Variants in EDN3 observed in about 807,000 individuals in gnomAD.
The protein encoded by EDN3 is endothelin-3.
EDN3 carries 9 observed loss-of-function variants against 21.4 expected under a neutral mutation model. The observed-to-expected ratio is 0.42, with a 90% CI of 0.25 to 0.73. The LOEUF (loss-of-function observed/expected upper bound fraction) is 0.73. Ranked by LOEUF, EDN3 falls within the 30% of genes least tolerant of loss-of-function variation. The probability of loss-of-function intolerance (pLI) is 0.26; values close to 1 mark genes in which losing one functional copy is unlikely to be tolerated. For missense variants in EDN3, 327 were observed against 309.4 expected, an observed-to-expected ratio of 1.06 and a Z score of -0.43; for synonymous variants, 133 against 126.2, an observed-to-expected ratio of 1.05 and a Z score of -0.36.
At chr20:59,300,931 C>T in intron 1 of EDN3, 67 bp downstream of exon 1, 2 of 1,565,804 alleles carry the variant, frequency 1.3e-6, no homozygotes, top group Non-Finnish European at 1.7e-6. Flanking sequence ...GGCGGGGGAC[C>T]CGAGGCGCGG....
intron 2 of EDN3, among the ~76,000 whole-genome samples, chr20:59,302,051 A>G (rs921155494): frequency 5.3e-5 from 8 of 152,150 alleles, no homozygotes; most frequent in Non-Finnish European, 7.4e-5. Flanking sequence ...TTTCTGAGAT[A>G]GAGAAAGCCC....
intron 2 of EDN3, among the ~76,000 whole-genome samples, chr20:59,315,541 A>T (rs1006583166): frequency 2.0e-5 from 3 of 152,222 alleles, no homozygotes; most frequent in Admixed American, 1.3e-4. Flanking sequence ...TTTTAAATGA[A>T]AACAACACCT....
intron 2 of EDN3, among the ~76,000 whole-genome samples, chr20:59,319,179 A>G (rs1490765091): frequency 6.6e-6 from 1 of 151,496 alleles, no homozygotes; most frequent in Non-Finnish European, 1.5e-5. Context: ...GGATCCCACC[A>G]CCTCTGTTTC....
intron 2 of EDN3, among the ~76,000 whole-genome samples, chr20:59,317,772 G>A (rs1018616441): frequency 3.9e-5 from 6 of 152,178 alleles, no homozygotes; most frequent in African/African-American, 1.4e-4. Context: ...GAACTCTTTA[G>A]GGTGAAAAGA....
chr20:59,319,373 G>C (rs896218624), intron 2 of EDN3, among the ~76,000 whole-genome samples: 4 of 152,128 alleles, frequency 2.6e-5, no homozygotes, highest in Non-Finnish European at 5.9e-5. Context: ...AGGCTTTATG[G>C]TGTGTGTTTC....
intron 2 of EDN3, among the ~76,000 whole-genome samples, chr20:59,309,557 T>A (rs547766920): frequency 6.6e-6 from 1 of 152,094 alleles, no homozygotes; most frequent in Non-Finnish European, 1.5e-5. Context: ...GTTGGCCAGA[T>A]TAAAAGGGAC....
chr20:59,324,751 C>T lies in EDN3; in HGVS notation c.*292C>T. ...AGAGTTTTGGCAAGTTGGAAAGCCA[C>T]TTACTGGCTTTTGACATGACTTCTC... On this transcript the variant is annotated 3_prime_UTR_variant, in exon 5 of 5. Coordinates refer to ENST00000337938, the MANE Select transcript of EDN3 (RefSeq NM_207034.3). 2.1e-6 allele frequency: 1 copy of T among 478,534 alleles called. No homozygotes were observed. Among genetic ancestry groups the T allele is most frequent in the Non-Finnish European group, 3.8e-6 (1 of 261,356 alleles). The allele number at this position is 478,534 out of a possible 1,614,324, so 29.6% of individuals were successfully genotyped here.
chr20:59,306,796 T>A (rs1989459743), intron 2 of EDN3, among the ~76,000 whole-genome samples: 1 of 152,078 alleles, frequency 6.6e-6, no homozygotes, highest in Admixed American at 6.6e-5. Flanking sequence ...GAACCCCAAC[T>A]TCCTGCACAT....
chr20:59,315,952 T>A (rs971181112), intron 2 of EDN3, among the ~76,000 whole-genome samples: 8 of 151,594 alleles, frequency 5.3e-5, no homozygotes, highest in Non-Finnish European at 1.0e-4. Context: ...TTTGGGAGGG[T>A]GAGGGGGTGG....
intron 2 of EDN3, among the ~76,000 whole-genome samples, 198 bp downstream of exon 2, chr20:59,301,920 G>A (rs1021388207): frequency 2.6e-5 from 4 of 152,154 alleles, no homozygotes; most frequent in Non-Finnish European, 5.9e-5. Flanking sequence ...CATCCCCCCT[G>A]AGGGCCTGGC....
chr20:59,312,551 C>T (rs539252464), intron 2 of EDN3, among the ~76,000 whole-genome samples: 9 of 152,222 alleles, frequency 5.9e-5, no homozygotes, highest in South Asian at 4.1e-4. Context: ...ATAAATGCTG[C>T]GACTTTGAGA....
chr20:59,324,209 C>T (rs1441803368), intron 4 of EDN3, 122 bp from the exon 5 acceptor site: 1 of 1,267,184 alleles, frequency 7.9e-7, no homozygotes, highest in African/African-American at 1.5e-5. Flanking sequence ...CAGTTCCAAT[C>T]AGGGAACAGG....
Position 59,324,447 on chromosome 20 carries a change from A to T in EDN3, c.705A>T (p.Glu235Asp). 9 of 1,614,074 alleles carry T rather than the reference A, an allele frequency of 5.6e-6. No homozygotes were observed. The highest frequency in any genetic ancestry group is 7.6e-6 in the Non-Finnish European group (9 of 1,180,000). ...PSTCPRCLFQEGAP is the reference protein window; with the variant it reads ...PSTCPRCLFQDGAP Reference sequence around the variant, plus strand: ...CCTGCCCCCGCTGCCTCTTTCAGGAAGGAGCCCCTTAGGAGGACAGGCCTG... The same window carrying T: ...CCTGCCCCCGCTGCCTCTTTCAGGATGGAGCCCCTTAGGAGGACAGGCCTG... The change falls in exon 5 of 5, where the codon GAA (glutamate) becomes GAT (aspartate). Residue 235 changes from glutamate to aspartate, a missense_variant. By Grantham distance (45) the Glu-to-Asp change is conservative (BLOSUM62 2). Coordinates refer to ENST00000337938, the MANE Select transcript of EDN3 (RefSeq NM_207034.3).
chr20:59,304,634 C>G (rs1989275520), intron 2 of EDN3, among the ~76,000 whole-genome samples: 1 of 152,126 alleles, frequency 6.6e-6, no homozygotes, highest in Non-Finnish European at 1.5e-5. Flanking sequence ...CATTTTTGCT[C>G]CCTTCGAGGA....
intron 2 of EDN3, among the ~76,000 whole-genome samples, chr20:59,309,184 G>C (rs143493511): frequency 9.6e-4 from 146 of 152,332 alleles, no homozygotes; most frequent in African/African-American, 3.4e-3. Flanking sequence ...GTCTGGGGCT[G>C]TGTCTGTGAA....
At chr20:59,314,358 G>A (rs992607038) in intron 2 of EDN3, among the ~76,000 whole-genome samples, 1 of 152,178 alleles carries the variant, frequency 6.6e-6, no homozygotes, top group African/African-American at 2.4e-5. Flanking sequence ...TCCAGGATCA[G>A]CCAGAGTTCA....
At chr20:59,303,870 A>G (rs1989216941) in intron 2 of EDN3, among the ~76,000 whole-genome samples, 1 of 151,346 alleles carries the variant, frequency 6.6e-6, no homozygotes, top group Admixed American at 6.6e-5. Flanking sequence ...CAATTTAAAC[A>G]TGATGAAAGA....
chr20:59,317,200 G>A (rs1003258018), intron 2 of EDN3, among the ~76,000 whole-genome samples: 3 of 152,210 alleles, frequency 2.0e-5, no homozygotes, highest in Non-Finnish European at 4.4e-5. Flanking sequence ...ATATGAGTAC[G>A]TTATCACTAC....
Position 59,322,548 on chromosome 20 carries a change from G to C in EDN3, c.588+131G>C, listed in dbSNP as rs144749351. The C allele has an allele frequency of 4.0e-6, 5 of 1,246,022 alleles. No individual in the cohort carries two copies. In the Admixed American group the frequency reaches 9.5e-5, roughly 24 times the overall value. 77.2% of individuals were successfully genotyped at this position (1,246,022 alleles called of 1,614,324 possible). On this transcript the variant is annotated intron_variant, in intron 4 of 4. Transcript: ENST00000337938. The surrounding 1 kb of genome is among the most constrained non-coding windows in gnomAD (Gnocchi z 4.1). ...TCCAGTGGGAACCCCAGATCTCATGGGATGCTGCACCCACAAGCAATGGTG... is the reference window on the plus strand; with the variant it reads ...TCCAGTGGGAACCCCAGATCTCATGCGATGCTGCACCCACAAGCAATGGTG...
Sources: allele counts gnomAD v4.1 joint callset (sites outside exome capture counted in the v4.1 genomes callset), GRCh38; gene constraint gnomAD v4.1.1; non-coding constraint Gnocchi (gnomAD v3.1); transcripts MANE v1.5; gene names NCBI Gene and HGNC (gene_info 2026-07-23, HGNC 2026-07-21).